The following ABCD3 variants were observed in gnomAD, a reference collection of about 807,000 sequenced individuals.
ABCD3 encodes ATP-binding cassette sub-family D member 3.
In ABCD3, 41 loss-of-function variants were observed where a neutral mutation model predicts 105.5. The ratio of observed to expected loss-of-function variants is 0.39; its 90% CI spans 0.30 to 0.50. The LOEUF is 0.50. Among genes scored for constraint, ABCD3 ranks in the 20% least tolerant of loss-of-function variants. The probability of loss-of-function intolerance (pLI) is 0.84; values close to 1 mark genes in which losing one functional copy is unlikely to be tolerated. For synonymous variants in ABCD3, 258 were observed against 269.0 expected, an observed-to-expected ratio of 0.96 and a Z score of 0.40; for missense variants, 622 against 806.3, an observed-to-expected ratio of 0.77 and a Z score of 2.77.
chr1:94,455,656 A>G, intron 1 of ABCD3: 1 of 419,538 alleles, frequency 2.4e-6, no homozygotes, highest in Non-Finnish European at 4.7e-6. Context: ...CTGATTAAAG[A>G]AAATAGGACT....
At chr1:94,463,505 A>G (rs1475097109) in intron 2 of ABCD3, among the ~76,000 whole-genome samples, 5 of 152,192 alleles carry the variant, frequency 3.3e-5, no homozygotes, top group South Asian at 2.1e-4. Flanking sequence ...GCGTTACTCT[A>G]CTAATACAAA....
chr1:94,475,333 G>A, intron 6 of ABCD3, 93 bp downstream of exon 6: 1 of 973,748 alleles, frequency 1.0e-6, no homozygotes, highest in African/African-American at 1.7e-5. Context: ...TTTATTGTAT[G>A]TTTTCTAAGA....
At chr1:94,409,571 G>A in the ABCD3 span, among the ~76,000 whole-genome samples, 15,679 of 152,034 alleles carry the variant, frequency 0.1, 1,060 homozygotes, top group East Asian at 0.3. Context: ...ACCATATACC[G>A]TTATATCGGT....
intron 13 of ABCD3, 48 bp from the exon 14 acceptor site, chr1:94,489,677 G>C (rs758288775): frequency 7.6e-7 from 1 of 1,308,576 alleles, no homozygotes; most frequent in Non-Finnish European, 1.1e-6. Context: ...TAAAAGATGT[G>C]ACAATAGTCT....
intron 7 of ABCD3, 66 bp from the exon 8 acceptor site, chr1:94,478,191 CAT>C: frequency 1.1e-6 from 1 of 928,348 alleles, no homozygotes; most frequent in Non-Finnish European, 1.7e-6. Flanking sequence ...TTATAGTTAA[CAT>C]GTTGTATTAG....
At chr1:94,436,068 T>G (rs1659890173) in intron 1 of ABCD3, among the ~76,000 whole-genome samples, 1 of 152,200 alleles carries the variant, frequency 6.6e-6, no homozygotes, top group South Asian at 2.1e-4. Context: ...AGAATCAGCT[T>G]TTTTTCCTAA....
Position 94,491,182 on chromosome 1 carries a change from A to G in ABCD3, c.1323-2A>G. The G allele has an allele frequency of 3.1e-6, 5 of 1,608,318 alleles. No homozygotes were observed. The highest frequency in any genetic ancestry group is 4.3e-6 in the Non-Finnish European group (5 of 1,175,434). On this transcript the variant is annotated splice_acceptor_variant, in intron 15 of 22. Coordinates refer to ENST00000370214, the MANE Select transcript of ABCD3 (RefSeq NM_002858.4). LOFTEE classifies it high-confidence loss of function. ...TTCTCTTTTTAAAAATTTCCTCTAT[A>G]GGTTTGATCATGTTCCTTTAGCAAC...
In ABCD3 at chr1:94,418,506, G is replaced by C; in HGVS notation, c.28G>C (p.Ala10Pro). The C allele has an allele frequency of 6.2e-7, 1 of 1,605,362 alleles. No homozygotes were observed. Among genetic ancestry groups the C allele is most frequent in the African/African-American group, 1.3e-5 (1 of 74,990 alleles). The change falls in exon 1 of 23, where the codon GCG becomes CCG. Residue 10 changes from alanine to proline, a missense_variant. Ala to Pro is a conservative substitution (Grantham distance 27). Around this residue, in one of 4 missense-constraint regions of ABCD3, gnomAD observed 89 missense variants for 77.5 expected, o/e 1.15. Coordinates refer to ENST00000370214, the MANE Select transcript of ABCD3 (RefSeq NM_002858.4). ...GGCGGCCTTCAGCAAGTACTTGACGGCGCGAAACTCCTCGCTGGCTGGTGC... is the reference window on the plus strand; with the variant it reads ...GGCGGCCTTCAGCAAGTACTTGACGCCGCGAAACTCCTCGCTGGCTGGTGC... MAAFSKYLT[A>P]RNSSLAGAAF...
At chr1:94,400,083 A>G in the ABCD3 span, among the ~76,000 whole-genome samples, 1 of 152,208 alleles carries the variant, frequency 6.6e-6, no homozygotes, top group Non-Finnish European at 1.5e-5. Context: ...AGATTTGATC[A>G]GTTGTAAACA....
In ABCD3 at chr1:94,514,683, G is replaced by A. The variant is rs181728408; in HGVS notation, c.1846-463G>A. 789 of 161,010 alleles carry A rather than the reference G, an allele frequency of 4.9e-3. 7 individuals carry two copies. The highest frequency in any genetic ancestry group is 0.018 in the African/African-American group (742 of 41,512). 10.0% of individuals were successfully genotyped at this position (161,010 alleles called of 1,614,324 possible). On this transcript the variant is annotated intron_variant, in intron 21 of 22. Coordinates refer to ENST00000370214, the MANE Select transcript of ABCD3 (RefSeq NM_002858.4). ...AAATTCTGCCTCAGAACTCTCTGGG[G>A]GTGTTAAATAATACATTTTCAAAAT...
intron 2 of ABCD3, 146 bp downstream of exon 2, chr1:94,458,789 T>G: frequency 1.3e-6 from 1 of 782,000 alleles, no homozygotes; most frequent in Non-Finnish European, 2.1e-6. Context: ...GAATACTCTC[T>G]GAAATAGGAC....
chr1:94,464,018 C>CT (rs982034479), intron 2 of ABCD3, among the ~76,000 whole-genome samples: 8 of 152,032 alleles, frequency 5.3e-5, no homozygotes, highest in African/African-American at 1.5e-4. Flanking sequence ...AATCACATGG[C>CT]TTTTTTTTAT....
intron 1 of ABCD3, among the ~76,000 whole-genome samples, chr1:94,434,045 G>C (rs372621039): frequency 6.6e-6 from 1 of 152,194 alleles, no homozygotes; most frequent in East Asian, 1.9e-4. Context: ...CATGAATGGA[G>C]CTTGCAGGAC....
rs181350279 is a variant in ABCD3, at chr1:94,494,938, A to G, written c.1387-3664A>G. Among the ~76,000 whole-genome samples the G allele has an allele frequency of 5.3e-5, 8 of 152,190 alleles. No homozygotes were observed. The East Asian group carries it at 1.4e-3, about 26-fold the overall frequency. On this transcript the variant is annotated intron_variant, in intron 16 of 22. Transcript: ENST00000370214. Reference sequence around the variant, plus strand: ...TGTGAAAAATACAAAAAAATTAGCTAGGTGTGGTGGTGCACACCTTTGGTC... The same window carrying G: ...TGTGAAAAATACAAAAAAATTAGCTGGGTGTGGTGGTGCACACCTTTGGTC...
At chr1:94,454,483 CAG>C (rs1647444651) in intron 1 of ABCD3, among the ~76,000 whole-genome samples, 1 of 151,940 alleles carries the variant, frequency 6.6e-6, no homozygotes, top group Non-Finnish European at 1.5e-5. Flanking sequence ...ATATTCAAGT[CAG>C]GGGCTCGGGA....
At chr1:94,419,706 C>G (rs1328253064) in intron 1 of ABCD3, among the ~76,000 whole-genome samples, 1 of 151,958 alleles carries the variant, frequency 6.6e-6, no homozygotes, top group African/African-American at 2.4e-5. Flanking sequence ...TTTATAGTAC[C>G]CTTTCCATTA....
At chr1:94,446,739 C>A (rs1263238937) in intron 1 of ABCD3, among the ~76,000 whole-genome samples, 1 of 152,162 alleles carries the variant, frequency 6.6e-6, no homozygotes, top group East Asian at 1.9e-4. Context: ...CACTGGCTGT[C>A]TGCGTGGCCA....
chr1:94,515,249 T>C (rs1275327038), intron 22 of ABCD3, 47 bp downstream of exon 22: 14 of 1,441,878 alleles, frequency 9.7e-6, no homozygotes, highest in Non-Finnish European at 1.4e-5. Context: ...TTATTTTCTT[T>C]AAAATATGAA....
rs563856343 is a variant in ABCD3 at position 94,440,885 on chromosome 1, A to C, written c.111-17722A>C. Among the ~76,000 whole-genome samples the C allele has an allele frequency of 9.9e-5, 15 of 152,264 alleles. No individual in the cohort carries two copies. In the East Asian group the frequency reaches 2.7e-3, roughly 27 times the overall value. ...CTTCAAAATAATCCCATTTATCTCAAATCACTAGAATAAAGATAGAATTTT... is the reference window on the plus strand; with the variant it reads ...CTTCAAAATAATCCCATTTATCTCACATCACTAGAATAAAGATAGAATTTT... On this transcript the variant is annotated intron_variant, in intron 1 of 22. Coordinates refer to ENST00000370214, the MANE Select transcript of ABCD3 (RefSeq NM_002858.4).
Sources: gnomAD v4.1 joint callset for allele counts (sites outside exome capture counted in the v4.1 genomes callset) on GRCh38, gnomAD v4.1.1 for gene constraint, gnomAD v4.1.1 regional missense constraint, MANE v1.5 for transcripts, NCBI Gene and HGNC (gene_info 2026-07-23, HGNC 2026-07-21) for gene names.